The following MCPH1 variants were observed in gnomAD, a reference collection of about 807,000 sequenced individuals.
The protein encoded by MCPH1 is microcephalin.
A neutral mutation model predicts 84.5 loss-of-function variants in MCPH1; 104 were observed. That is an observed-to-expected ratio of 1.23 (90% CI 1.05 to 1.45). MCPH1 has a LOEUF of 1.45. Among genes scored for constraint, MCPH1 ranks in the 40% most tolerant of loss-of-function variants. MCPH1 has a pLI of 0.00. For synonymous variants in MCPH1, 514 were observed against 366.8 expected (o/e 1.40, Z -4.58); for missense variants, 1,498 against 1,005.7 (o/e 1.49, Z -6.62).
chr8:6,519,853 G>A (rs373427487), intron 12 of MCPH1: 36 of 1,613,116 alleles, frequency 2.2e-5, no homozygotes, highest in East Asian at 6.7e-5. Context: ...AAGGGGAGAC[G>A]AATACCTCAC....
rs779918939 is a variant in MCPH1, at chr8:6,406,701, C to T, written c.22+12C>T. Reference sequence around the variant, plus strand: ...CCCCATCCTGAAAGGTGAGGTACTTCCTGCTGCCTGCTCCAGCAGCGGGAG... The same window carrying T: ...CCCCATCCTGAAAGGTGAGGTACTTTCTGCTGCCTGCTCCAGCAGCGGGAG... On this transcript the variant is annotated intron_variant, in intron 1 of 13. Coordinates refer to ENST00000344683, the MANE Select transcript of MCPH1 (RefSeq NM_024596.5). 9 of 1,611,972 alleles carry T rather than the reference C, an allele frequency of 5.6e-6. No individual in the cohort carries two copies. The highest frequency in any genetic ancestry group is 4.5e-5 in the East Asian group (2 of 44,804).
At position 6,426,983 on chromosome 8, in the gene MCPH1, G is replaced by A. The variant is rs185325560; in HGVS notation, c.234-4516G>A. Among the ~76,000 whole-genome samples the A allele has an allele frequency of 1.9e-4, 29 of 152,286 alleles. No homozygotes were observed. In the East Asian group the frequency reaches 4.6e-3, roughly 24 times the overall value. On this transcript the variant is annotated intron_variant, in intron 3 of 13. Coordinates refer to ENST00000344683, the MANE Select transcript of MCPH1 (RefSeq NM_024596.5). ...GAATAGGTGATTTTGTTGTTGTGGA[G>A]ACATCACAGTGTGTATTAACACACA...
chr8:6,414,296 C>A (rs930938213), intron 2 of MCPH1, among the ~76,000 whole-genome samples: 1 of 152,362 alleles, frequency 6.6e-6, no homozygotes, highest in East Asian at 1.9e-4. Flanking sequence ...GCATGAGCCA[C>A]CATGCCCAGC....
chr8:6,414,514 T>C (rs928371051), intron 2 of MCPH1, among the ~76,000 whole-genome samples: 2 of 152,196 alleles, frequency 1.3e-5, no homozygotes, highest in African/African-American at 4.8e-5. Context: ...TCTTTATCCT[T>C]GCAGGGCTCC....
At chr8:6,576,682 A>ATTTTTTTTTTTTT (rs58486084) in intron 12 of MCPH1, among the ~76,000 whole-genome samples, 5 of 42,348 alleles carry the variant, frequency 1.2e-4, no homozygotes, top group East Asian at 7.6e-4. Context: ...TAATTTTTGT[A>ATTTTTTTTTTTTT]TTTTTTTTTT....
intron 3 of MCPH1, among the ~76,000 whole-genome samples, chr8:6,419,146 C>G (rs943723388): frequency 2.2e-5 from 2 of 92,506 alleles, no homozygotes; most frequent in African/African-American, 7.9e-5. Flanking sequence ...CACACACACA[C>G]ACACAGACAC....
At chr8:6,556,685 T>A (rs191083191) in intron 12 of MCPH1, among the ~76,000 whole-genome samples, 210 of 152,140 alleles carry the variant, frequency 1.4e-3, no homozygotes, top group African/African-American at 4.9e-3. Context: ...ACCATCATAG[T>A]TCACTGCAGC....
intron 12 of MCPH1, among the ~76,000 whole-genome samples, chr8:6,590,202 C>G (rs1000933805): frequency 1.3e-5 from 1 of 77,128 alleles, no homozygotes; most frequent in African/African-American, 4.9e-5. Flanking sequence ...GTTAAGTGAA[C>G]AACAAAAAAA....
intron 9 of MCPH1, 166 bp from the exon 10 acceptor site, chr8:6,477,428 C>A: frequency 3.2e-6 from 2 of 616,724 alleles, no homozygotes; most frequent in Non-Finnish European, 5.6e-6. Flanking sequence ...TATCTCTTGG[C>A]CTGTTTTTTC....
chr8:6,564,184 G>A (rs1586648828), intron 12 of MCPH1, among the ~76,000 whole-genome samples: 2 of 152,020 alleles, frequency 1.3e-5, no homozygotes, highest in East Asian at 3.9e-4. Flanking sequence ...GTTTCACCAT[G>A]TTAGGCTGGT....
At chr8:6,441,790 G>T (rs1022080713) in intron 6 of MCPH1, among the ~76,000 whole-genome samples, 1 of 152,222 alleles carries the variant, frequency 6.6e-6, no homozygotes, top group South Asian at 2.1e-4. Flanking sequence ...CTCTGGTTGG[G>T]AAGCAGTGCT....
intron 12 of MCPH1, among the ~76,000 whole-genome samples, chr8:6,510,381 A>G (rs1814800213): frequency 6.6e-6 from 1 of 152,218 alleles, no homozygotes; most frequent in Non-Finnish European, 1.5e-5. Context: ...GTGTACTTGA[A>G]GCACCAAGAT....
Position 6,439,114 on chromosome 8 carries a change from A to G in MCPH1, c.580+18A>G. 6.2e-7 allele frequency: 1 copy of G among 1,609,942 alleles called. No homozygotes were observed. Among genetic ancestry groups the G allele is most frequent in the Non-Finnish European group, 8.5e-7 (1 of 1,177,780 alleles). On this transcript the variant is annotated intron_variant, in intron 6 of 13. Transcript: ENST00000344683. ...CCCCACCTGTAAGTAATTAGTTTGT[A>G]AAATGAAAATTATGCAAATAGCCGA...
At chr8:6,580,926 G>C (rs1827520050) in intron 12 of MCPH1, among the ~76,000 whole-genome samples, 2 of 152,124 alleles carry the variant, frequency 1.3e-5, no homozygotes, top group Admixed American at 1.3e-4. Context: ...GCATCTGTAG[G>C]TTCAACCAAT....
At chr8:6,451,301 A>C (rs1805054803) in intron 8 of MCPH1, among the ~76,000 whole-genome samples, 1 of 152,256 alleles carries the variant, frequency 6.6e-6, no homozygotes, top group South Asian at 2.1e-4. Context: ...TTACATATTC[A>C]TTTTTTATCT....
chr8:6,566,554 G>T (rs991124920), intron 12 of MCPH1, among the ~76,000 whole-genome samples: 1 of 152,312 alleles, frequency 6.6e-6, no homozygotes, highest in East Asian at 1.9e-4. Context: ...CATTAACAGG[G>T]CACACAGCAC....
At chr8:6,605,632 T>C (rs1350646194) in intron 12 of MCPH1, among the ~76,000 whole-genome samples, 1 of 152,220 alleles carries the variant, frequency 6.6e-6, no homozygotes, top group East Asian at 1.9e-4. Flanking sequence ...GATCTGGGCC[T>C]TCCCCAGAAG....
At chr8:6,629,333 G>C (rs991445050) in intron 13 of MCPH1, among the ~76,000 whole-genome samples, 1 of 152,122 alleles carries the variant, frequency 6.6e-6, no homozygotes, top group South Asian at 2.1e-4. Context: ...ATGGTTGTGG[G>C]CACCTGCAAT....
intron 3 of MCPH1, among the ~76,000 whole-genome samples, chr8:6,425,912 C>CT (rs1800990932): frequency 1.3e-5 from 2 of 152,158 alleles, no homozygotes. Flanking sequence ...TCCTCTACGT[C>CT]TTTCGTCCAG....
Sources: allele counts gnomAD v4.1 joint callset (sites outside exome capture counted in the v4.1 genomes callset), GRCh38; gene constraint gnomAD v4.1.1; transcripts MANE v1.5; gene names NCBI Gene and HGNC (gene_info 2026-07-23, HGNC 2026-07-21).